GLMN: variants seen among roughly 807,000 people sequenced by gnomAD.
GLMN encodes the protein glomulin, FKBP associated protein.
A neutral mutation model predicts 87.8 loss-of-function variants in GLMN; 75 were observed. The observed-to-expected ratio is 0.85, with a 90% CI of 0.71 to 1.04. GLMN has a LOEUF of 1.04. Among genes scored for constraint, GLMN ranks in the 50% least tolerant of loss-of-function variants. The pLI is 0.00. For synonymous variants in GLMN, 206 were observed against 221.6 expected (o/e 0.93, Z 0.63); for missense variants, 588 against 658.8 (o/e 0.89, Z 1.18).
At chr1:92,311,522 T>G in the GLMN span, among the ~76,000 whole-genome samples, 2 of 152,202 alleles carry the variant, frequency 1.3e-5, no homozygotes, top group Non-Finnish European at 2.9e-5. Flanking sequence ...TTTTAAATTA[T>G]GAAGAAAAAC....
intron 16 of GLMN, among the ~76,000 whole-genome samples, chr1:92,249,960 G>A (rs1399461640): frequency 1.3e-5 from 2 of 151,408 alleles, no homozygotes; most frequent in South Asian, 2.1e-4. Flanking sequence ...TCCTTTTTAC[G>A]TCCAGCCTTT....
At chr1:92,274,769 C>T (rs747976841) in intron 7 of GLMN, among the ~76,000 whole-genome samples, 1 of 152,152 alleles carries the variant, frequency 6.6e-6, no homozygotes, top group Non-Finnish European at 1.5e-5. Context: ...ACTTTAAACT[C>T]CAATATCCCA....
chr1:92,333,184 C>T, the GLMN span: 1 of 504,054 alleles, frequency 2.0e-6, no homozygotes, highest in Non-Finnish European at 3.5e-6. Context: ...AAAACTGACT[C>T]TCCAAAGAGG....
At chr1:92,248,722 A>G (rs1653018277) in intron 16 of GLMN, among the ~76,000 whole-genome samples, 2 of 152,138 alleles carry the variant, frequency 1.3e-5, no homozygotes, top group Admixed American at 6.6e-5. Context: ...CTATTTTGTA[A>G]TGAGCTTATT....
chr1:92,336,497 G>A, the GLMN span: 2 of 1,052,862 alleles, frequency 1.9e-6, no homozygotes, highest in Non-Finnish European at 2.9e-6. Flanking sequence ...AGAATCCAAA[G>A]GCACAGAGAA....
chr1:92,290,092 T>C (rs574883891), intron 5 of GLMN, 106 bp downstream of exon 5: 10 of 738,608 alleles, frequency 1.4e-5, no homozygotes, highest in Admixed American at 1.1e-4. Flanking sequence ...GAGTACTCAC[T>C]AATTAGCTGT....
At position 92,263,661 on chromosome 1, in the gene GLMN, T is replaced by C. The variant is rs769651866; in HGVS notation, c.1371A>G (p.Pro457=). 5 of 1,590,716 alleles carry C rather than the reference T, an allele frequency of 3.1e-6. No homozygotes were observed. In the Admixed American group the frequency reaches 6.7e-5, roughly 21 times the overall value. The change falls in exon 15 of 19, where the codon CCA becomes CCG. Residue 457 remains proline, a synonymous_variant. Coordinates refer to ENST00000370360, the MANE Select transcript of GLMN (RefSeq NM_053274.3). ...ISLLDLVLFL[P]EGAETDLLQN... is the part of the protein sequence containing the mutation. Reference sequence around the variant, plus strand: ...GCAGTAAATCTGTTTCTGCACCCTCTGGGAGAAAAAGTACCAAATCAAGAA... The same window carrying C: ...GCAGTAAATCTGTTTCTGCACCCTCCGGGAGAAAAAGTACCAAATCAAGAA...
At chr1:92,325,656 A>C in the GLMN span, among the ~76,000 whole-genome samples, 2 of 152,180 alleles carry the variant, frequency 1.3e-5, no homozygotes, top group South Asian at 4.1e-4. Flanking sequence ...TCACATATGA[A>C]TGTCCTGATG....
intron 7 of GLMN, among the ~76,000 whole-genome samples, chr1:92,280,904 G>A (rs1647958955): frequency 6.6e-6 from 1 of 152,138 alleles, no homozygotes; most frequent in South Asian, 2.1e-4. Flanking sequence ...AAAGCAAGAA[G>A]ACAAGATTAG....
chr1:92,290,067 T>C (rs1649219216), intron 5 of GLMN, 131 bp downstream of exon 5: 1 of 687,160 alleles, frequency 1.5e-6, no homozygotes, highest in African/African-American at 1.8e-5. Flanking sequence ...GGCATTGCTA[T>C]TATTGGTTTA....
chr1:92,324,597 A>G, the GLMN span, among the ~76,000 whole-genome samples: 1 of 152,212 alleles, frequency 6.6e-6, no homozygotes, highest in Non-Finnish European at 1.5e-5. Context: ...TCAGTGTGCA[A>G]TATTTTTTTC....
At chr1:92,265,835 A>G (rs1423312733) in intron 13 of GLMN, among the ~76,000 whole-genome samples, 1 of 152,214 alleles carries the variant, frequency 6.6e-6, no homozygotes, top group African/African-American at 2.4e-5. Context: ...ATAAAGTTTT[A>G]CTGGAACACA....
chr1:92,364,937 A>G, the GLMN span, among the ~76,000 whole-genome samples: 384 of 152,336 alleles, frequency 2.5e-3, 3 homozygotes, highest in South Asian at 9.3e-3. Context: ...ATGAAATTCA[A>G]GGCCCTTCAG....
chr1:92,260,577 T>A lies in GLMN; in HGVS notation c.1473+2286A>T, dbSNP rs577542373. Among the ~76,000 whole-genome samples the A allele has an allele frequency of 1.2e-3, 182 of 150,738 alleles. 5 individuals are homozygous for A. In the South Asian group the frequency reaches 0.037, roughly 31 times the overall value. ...ATGCAGTGAGCAGAGATCGTGCCAC[T>A]GCACTCCAGCCTGGGCGACAGAGTG... On this transcript the variant is annotated intron_variant, in intron 16 of 18. Coordinates refer to ENST00000370360, the MANE Select transcript of GLMN (RefSeq NM_053274.3).
At chr1:92,289,669 G>C (rs998043136) in intron 5 of GLMN, among the ~76,000 whole-genome samples, 2 of 152,110 alleles carry the variant, frequency 1.3e-5, no homozygotes, top group Non-Finnish European at 2.9e-5. Context: ...TGTCTGCCTT[G>C]GTTGCTAAGA....
At chr1:92,268,372 C>T (rs145948642) in intron 9 of GLMN, among the ~76,000 whole-genome samples, 2 of 152,318 alleles carry the variant, frequency 1.3e-5, no homozygotes, top group East Asian at 1.9e-4. Context: ...TATTTCCTAA[C>T]TTCAAAACAA....
chr1:92,293,193 A>G lies in GLMN; in HGVS notation c.166-1656T>C, dbSNP rs111378621. On this transcript the variant is annotated intron_variant, in intron 3 of 18. Transcript: ENST00000370360. ...CCCAAAAGGCATACAAATGGCAAACAAGCATATGAAAAGGTACGCATCATT... is the reference window on the plus strand; with the variant it reads ...CCCAAAAGGCATACAAATGGCAAACGAGCATATGAAAAGGTACGCATCATT... 6.9e-3 allele frequency among the ~76,000 whole-genome samples: 1,051 copies of G among 152,298 alleles called. 12 individuals are homozygous for G. Among genetic ancestry groups the G allele is most frequent in the African/African-American group, 0.024 (1,004 of 41,554 alleles).
chr1:92,286,765 T>G (rs943915587), intron 6 of GLMN, among the ~76,000 whole-genome samples, 173 bp from the exon 7 acceptor site: 3 of 152,202 alleles, frequency 2.0e-5, no homozygotes, highest in Non-Finnish European at 1.5e-5. Context: ...GAGGTGGGAA[T>G]TAGGCCAAGG....
chr1:92,259,479 A>AC (rs779288372), intron 16 of GLMN, among the ~76,000 whole-genome samples: 138 of 152,116 alleles, frequency 9.1e-4, no homozygotes, highest in Non-Finnish European at 1.7e-3. Flanking sequence ...GTTGACAGTA[A>AC]CCCAAAATAG....
Sources: gnomAD v4.1 joint callset for allele counts (sites outside exome capture counted in the v4.1 genomes callset) on GRCh38, gnomAD v4.1.1 for gene constraint, MANE v1.5 for transcripts, NCBI Gene and HGNC (gene_info 2026-07-23, HGNC 2026-07-21) for gene names.